TENM3: variants seen among roughly 807,000 people sequenced by gnomAD.
TENM3 encodes the protein teneurin transmembrane protein 3, also known as teneurin-3.
A neutral mutation model predicts 255.1 loss-of-function variants in TENM3; 63 were observed. The observed-to-expected ratio is 0.25, with a 90% CI of 0.20 to 0.30. The LOEUF (loss-of-function observed/expected upper bound fraction) is 0.30, where lower values mean the gene tolerates loss of function less well. Among genes scored for constraint, TENM3 ranks in the 10% least tolerant of loss-of-function variants. The pLI, the probability that TENM3 is intolerant of heterozygous loss-of-function variation, is 1.00. For synonymous variants in TENM3, 1,306 were observed against 1,322.3 expected (o/e 0.99, Z 0.27); for missense variants, 2,929 against 3,461.1 (o/e 0.85, Z 3.86).
the TENM3 span, among the ~76,000 whole-genome samples, chr4:181,844,701 G>C: frequency 2.0e-5 from 3 of 151,962 alleles, no homozygotes; most frequent in African/African-American, 7.2e-5. Flanking sequence ...AAAATAAGTT[G>C]AATGTAAAGG....
At chr4:181,474,534 G>A in the TENM3 span, among the ~76,000 whole-genome samples, 3 of 151,900 alleles carry the variant, frequency 2.0e-5, no homozygotes, top group African/African-American at 7.3e-5. Context: ...AGGAGTTTGG[G>A]ACCAGCCTGG....
At chr4:182,621,409 C>G (rs1395262436) in intron 4 of TENM3, among the ~76,000 whole-genome samples, 1 of 150,846 alleles carries the variant, frequency 6.6e-6, no homozygotes, top group African/African-American at 2.4e-5. Context: ...TACCTCTTCT[C>G]TGTGACTAAT....
chr4:182,567,143 A>C (rs1323303426), intron 3 of TENM3, among the ~76,000 whole-genome samples: 2 of 152,142 alleles, frequency 1.3e-5, no homozygotes, highest in African/African-American at 2.4e-5. Context: ...CGCAAAAGGG[A>C]GTTTGCTTTT....
the TENM3 span, among the ~76,000 whole-genome samples, chr4:181,609,351 G>T: frequency 6.6e-6 from 1 of 152,240 alleles, no homozygotes; most frequent in African/African-American, 2.4e-5. Flanking sequence ...AGTGAAGAGG[G>T]TTTTTTTCCA....
the TENM3 span, among the ~76,000 whole-genome samples, chr4:181,523,958 T>C: frequency 1.3e-5 from 2 of 152,226 alleles, no homozygotes; most frequent in African/African-American, 4.8e-5. Flanking sequence ...GGTTTCCTTT[T>C]TTTTAAGAAA....
At chr4:181,789,242 ATTTTATTTTATTTTATTT>A in the TENM3 span, among the ~76,000 whole-genome samples, 647 of 147,718 alleles carry the variant, frequency 4.4e-3, 8 homozygotes, top group African/African-American at 0.016. Flanking sequence ...ATTTTATTTT[ATTTTATTTTATTTTATTT>A]ATTTTATTTT....
At chr4:181,979,358 A>C in the TENM3 span, among the ~76,000 whole-genome samples, 3 of 151,914 alleles carry the variant, frequency 2.0e-5, no homozygotes, top group East Asian at 5.8e-4. Context: ...ATTAAGTTCA[A>C]GTCCTGTTAT....
At chr4:182,694,919 A>T (rs1323505519) in intron 12 of TENM3, among the ~76,000 whole-genome samples, 1 of 152,214 alleles carries the variant, frequency 6.6e-6, no homozygotes, top group Non-Finnish European at 1.5e-5. Flanking sequence ...TTAATTGTTA[A>T]ATTAAAAAGT....
the TENM3 span, among the ~76,000 whole-genome samples, chr4:181,942,273 T>C: frequency 1.4e-5 from 2 of 147,076 alleles, no homozygotes; most frequent in East Asian, 3.9e-4. Context: ...TTGGGCCTTT[T>C]TTTTTTTTTT....
chr4:181,582,224 G>T, the TENM3 span, among the ~76,000 whole-genome samples: 4 of 152,074 alleles, frequency 2.6e-5, no homozygotes, highest in Non-Finnish European at 4.4e-5. Context: ...TTTGCATAGG[G>T]CACGGGCCTG....
the TENM3 span, among the ~76,000 whole-genome samples, chr4:182,031,630 T>C: frequency 6.6e-6 from 1 of 152,156 alleles, no homozygotes; most frequent in Admixed American, 6.6e-5. Flanking sequence ...TGAATCTATA[T>C]ATTGCTTTGG....
At chr4:181,852,179 G>A in the TENM3 span, among the ~76,000 whole-genome samples, 1 of 152,210 alleles carries the variant, frequency 6.6e-6, no homozygotes, top group Non-Finnish European at 1.5e-5. Flanking sequence ...GCGAATGGGA[G>A]TACTAAATAA....
chr4:181,759,724 A>ATGTGTGTGTGTGTGTGTGTG, the TENM3 span, among the ~76,000 whole-genome samples: 1 of 146,514 alleles, frequency 6.8e-6, no homozygotes, highest in Non-Finnish European at 1.5e-5. Context: ...CAATCAACAG[A>ATGTGTGTGTGTGTGTGTGTG]TGTGTGTGTG....
At position 182,774,979 on chromosome 4, in the gene TENM3, T is replaced by C; in HGVS notation, c.5130T>C (p.Ser1710=). 6.2e-7 allele frequency: 1 copy of C among 1,613,968 alleles called. No homozygotes were observed. Among genetic ancestry groups the C allele is most frequent in the Admixed American group, 1.7e-5 (1 of 60,018 alleles). Residue 1710 remains serine (S), a synonymous_variant, in exon 24 of 28, where the codon AGT becomes AGC. Coordinates refer to ENST00000511685, the MANE Select transcript of TENM3 (RefSeq NM_001080477.4). ...YDGSLRIIYA[S]GLDSHYQTEP... is the part of the protein sequence containing the mutation. ...GCTCCCTCAGAATTATCTACGCCAG[T>C]GGCCTGGACTCACACTACCAAACAG...
chr4:181,475,110 A>G, the TENM3 span, among the ~76,000 whole-genome samples: 1 of 152,022 alleles, frequency 6.6e-6, no homozygotes, highest in Admixed American at 6.6e-5. Flanking sequence ...AGCCTAATCT[A>G]CTCTCTTGTT....
chr4:182,004,747 A>C, the TENM3 span, among the ~76,000 whole-genome samples: 2 of 152,040 alleles, frequency 1.3e-5, no homozygotes, highest in African/African-American at 4.8e-5. Context: ...TTATTTCCTG[A>C]CTTTTTAATA....
the TENM3 span, among the ~76,000 whole-genome samples, chr4:182,039,916 G>C: frequency 1.4e-5 from 2 of 144,976 alleles, no homozygotes; most frequent in Non-Finnish European, 3.0e-5. Flanking sequence ...AGACGAGGAG[G>C]GGACAGGAGG....
rs754516282 is a variant in TENM3, at chr4:182,688,390, C to T, written c.2221+39C>T. 2.8e-6 allele frequency: 4 copies of T among 1,438,420 alleles called. No individual in the cohort carries two copies. In the Admixed American group the frequency reaches 9.4e-5, roughly 34 times the overall value. 89.1% of individuals were successfully genotyped at this position (1,438,420 alleles called of 1,614,324 possible). A position where few individuals can be genotyped will look rare whatever the true frequency, so the allele number is the denominator to read the frequency against. ...AAGTCTGTGTCTGTCCCCTTCCTCC[C>T]AGAGAAGAGCACCGACGGTCAGCTG... On this transcript the variant is annotated intron_variant, in intron 12 of 27. Coordinates refer to ENST00000511685, the MANE Select transcript of TENM3 (RefSeq NM_001080477.4).
At chr4:182,613,958 T>C (rs1374430601) in intron 4 of TENM3, among the ~76,000 whole-genome samples, 1 of 152,174 alleles carries the variant, frequency 6.6e-6, no homozygotes, top group African/African-American at 2.4e-5. Flanking sequence ...GTGAAAGTTT[T>C]CCAAAGATAA....
Sources: gnomAD v4.1 joint callset for allele counts (sites outside exome capture counted in the v4.1 genomes callset) on GRCh38, gnomAD v4.1.1 for gene constraint, MANE v1.5 for transcripts, NCBI Gene and HGNC (gene_info 2026-07-23, HGNC 2026-07-21) for gene names.